The following IGFL3 variants were observed in gnomAD, a reference collection of about 807,000 sequenced individuals.
The protein encoded by IGFL3 is insulin growth factor-like family member 3.
IGFL3 carries 12 observed loss-of-function variants against 17.0 expected under a neutral mutation model. The ratio of observed to expected loss-of-function variants is 0.71; its 90% CI spans 0.45 to 1.14. The LOEUF (loss-of-function observed/expected upper bound fraction) is 1.14, where lower values mean the gene tolerates loss of function less well. Among genes scored for constraint, IGFL3 ranks in the 50% most tolerant of loss-of-function variants. The pLI is 0.00. For missense variants in IGFL3, 153 were observed against 151.6 expected (o/e 1.01, Z -0.05); for synonymous variants, 52 against 57.4 (o/e 0.91, Z 0.42).
In IGFL3 at chr19:46,120,144, A is replaced by G. The variant is rs947809281; in HGVS notation, c.*186T>C. 7 of 727,082 alleles carry G rather than the reference A, an allele frequency of 9.6e-6. 1 individual carries two copies. The African/African-American group carries it at 1.1e-4, about 12-fold the overall frequency. The allele number at this position is 727,082 out of a possible 1,614,324, so 45.0% of individuals were successfully genotyped here. On this transcript the variant is annotated 3_prime_UTR_variant, in exon 4 of 4. Transcript: ENST00000341415. ...GGGAAGGGGAGCTGGAAAGGGGATG[A>G]AGCAGGAAGGCATTCTTCCCCTGAA...
rs372404125 is a variant in IGFL3 at position 46,120,601 on chromosome 19, A to G, written c.351-244T>C. ...CAAAGAATTCCTCAAAATGCCAGAT[A>G]AAGAATTAAAAATATTGATCTTAAA... On this transcript the variant is annotated intron_variant, in intron 3 of 3. Transcript: ENST00000341415. Among the ~76,000 whole-genome samples, 605 of 151,010 alleles carry G rather than the reference A, an allele frequency of 4.0e-3. 40 individuals are homozygous for G. Among genetic ancestry groups the G allele is most frequent in the African/African-American group, 0.014 (582 of 40,750 alleles).
intron 3 of IGFL3, among the ~76,000 whole-genome samples, chr19:46,122,842 G>A (rs1055441247): frequency 3.3e-5 from 5 of 150,814 alleles, no homozygotes; most frequent in Non-Finnish European, 5.9e-5. Flanking sequence ...AAGGTGGGAG[G>A]AAGGGGAGGA....
At chr19:46,123,507 G>T (rs552055719) in intron 3 of IGFL3, among the ~76,000 whole-genome samples, 1 of 150,946 alleles carries the variant, frequency 6.6e-6, no homozygotes, top group South Asian at 2.1e-4. Flanking sequence ...ATTGTTCCCT[G>T]CATATACATA....
Position 46,124,037 on chromosome 19 carries a change from G to A in IGFL3, c.199C>T (p.Arg67Cys), listed in dbSNP as rs147128538. The change falls in exon 3 of 4, where the codon CGC becomes TGC. Residue 67 changes from arginine to cysteine, a missense_variant. Coordinates refer to ENST00000341415, the MANE Select transcript of IGFL3 (RefSeq NM_207393.2). ...AAGGTGCAGGTGGAGCCACAGCGGC[G>A]GGTCTCCTTTAAGGATAAGATGGCA... ...DDAILSLKET[R>C]RCGSTCTFWP... 1.1e-3 allele frequency: 1,822 copies of A among 1,611,488 alleles called. 29 individuals carry two copies. The highest frequency in any genetic ancestry group is 2.0e-3 in the Middle Eastern group (12 of 6,052).
chr19:46,122,044 T>C (rs115903275), intron 3 of IGFL3, among the ~76,000 whole-genome samples: 1 of 151,196 alleles, frequency 6.6e-6, no homozygotes, highest in Non-Finnish European at 1.5e-5. Flanking sequence ...TGCTGTGATA[T>C]AGCTAATGTT....
chr19:46,121,215 C>A (rs1258338274), intron 3 of IGFL3, among the ~76,000 whole-genome samples: 1 of 145,666 alleles, frequency 6.9e-6, no homozygotes, highest in Non-Finnish European at 1.5e-5. Flanking sequence ...CTGTCTCTAC[C>A]AAAAAAAAAC....
At chr19:46,121,904 A>G (rs1971797020) in intron 3 of IGFL3, among the ~76,000 whole-genome samples, 1 of 150,868 alleles carries the variant, frequency 6.6e-6, no homozygotes, top group Non-Finnish European at 1.5e-5. Flanking sequence ...TGATTTGCAT[A>G]TTTCTTTTTT....
At chr19:46,124,485 C>T in intron 1 of IGFL3, 140 bp downstream of exon 1, 1 of 1,130,650 alleles carries the variant, frequency 8.8e-7, no homozygotes, top group South Asian at 1.3e-5. Flanking sequence ...GAGCAGCACG[C>T]TCAGTCACCC....
chr19:46,124,023 G>A lies in IGFL3; in HGVS notation c.213C>T (p.Ser71=). 1 of 1,611,542 alleles carries A rather than the reference G, an allele frequency of 6.2e-7. No homozygotes were observed. The highest frequency in any genetic ancestry group is 8.5e-7 in the Non-Finnish European group (1 of 1,179,674). The change falls in exon 3 of 4, where the codon TCC becomes TCT. Residue 71 remains serine, a synonymous_variant. Transcript: ENST00000341415. Reference sequence around the variant, plus strand: ...CAAAGCAGGGCCAGAAGGTGCAGGTGGAGCCACAGCGGCGGGTCTCCTTTA... The same window carrying A: ...CAAAGCAGGGCCAGAAGGTGCAGGTAGAGCCACAGCGGCGGGTCTCCTTTA... The part of the protein sequence containing the change: ...LSLKETRRCG[S]TCTFWPCFEL...
intron 3 of IGFL3, among the ~76,000 whole-genome samples, chr19:46,123,421 A>C (rs1971891016): frequency 6.6e-6 from 1 of 151,066 alleles, no homozygotes; most frequent in Non-Finnish European, 1.5e-5. Flanking sequence ...TACCAGTTTT[A>C]AGTAAAGTAA....
Position 46,124,163 on chromosome 19 carries a change from G to C in IGFL3, c.80-7C>G. On this transcript the variant is annotated splice_region_variant and splice_polypyrimidine_tract_variant and intron_variant, in intron 2 of 3. Coordinates refer to ENST00000341415, the MANE Select transcript of IGFL3 (RefSeq NM_207393.2). Reference sequence around the variant, plus strand: ...CCTGAGCCAACAGGAGCGTCTGGGGGCAGACATTGATGGTGTACATCCAAG... The same window carrying C: ...CCTGAGCCAACAGGAGCGTCTGGGGCCAGACATTGATGGTGTACATCCAAG... The C allele has an allele frequency of 6.2e-7, 1 of 1,610,022 alleles. No homozygotes were observed. The highest frequency in any genetic ancestry group is 1.4e-5 in the African/African-American group (1 of 73,880).
Position 46,120,249 on chromosome 19 carries a change from A to G in IGFL3, c.*81T>C. The G allele has an allele frequency of 6.3e-7, 1 of 1,594,792 alleles. No individual in the cohort carries two copies. The highest frequency in any genetic ancestry group is 1.1e-5 in the South Asian group (1 of 89,090). On this transcript the variant is annotated 3_prime_UTR_variant, in exon 4 of 4. Coordinates refer to ENST00000341415, the MANE Select transcript of IGFL3 (RefSeq NM_207393.2). ...TCTGAAGTCAAGTTGCTTCTCTCCG[A>G]AGTTCAACTGTAGTCTCCGATGTCC...
At position 46,124,010 on chromosome 19, in the gene IGFL3, A is replaced by C; in HGVS notation, c.226T>G (p.Trp76Gly). The change falls in exon 3 of 4, where the codon TGG (tryptophan) becomes GGG (glycine). Residue 76 changes from tryptophan to glycine, a missense_variant. Coordinates refer to ENST00000341415, the MANE Select transcript of IGFL3 (RefSeq NM_207393.2). ...TRRCGSTCTF[W>G]PCFELCCPES... ...GGACAGCAGAGCTCAAAGCAGGGCC[A>C]GAAGGTGCAGGTGGAGCCACAGCGG... is the stretch of plus-strand genomic sequence containing the variant. The C allele has an allele frequency of 6.2e-7, 1 of 1,611,616 alleles. No homozygotes were observed. Among genetic ancestry groups the C allele is most frequent in the Non-Finnish European group, 8.5e-7 (1 of 1,179,694 alleles).
intron 3 of IGFL3, among the ~76,000 whole-genome samples, chr19:46,123,316 A>C (rs1028361210): frequency 2.6e-5 from 4 of 150,966 alleles, no homozygotes; most frequent in African/African-American, 9.8e-5. Context: ...TCTTAAAAAT[A>C]GAAACAAAAG....
intron 3 of IGFL3, among the ~76,000 whole-genome samples, 161 bp downstream of exon 3, chr19:46,123,725 A>G (rs1022486451): frequency 6.6e-6 from 1 of 150,902 alleles, no homozygotes; most frequent in South Asian, 2.1e-4. Context: ...GAAGAAAGGC[A>G]GACTTATAGC....
At position 46,124,257 on chromosome 19, in the gene IGFL3, C is replaced by T; in HGVS notation, c.79+11G>A. 1 of 1,610,214 alleles carries T rather than the reference C, an allele frequency of 6.2e-7. No homozygotes were observed. Among genetic ancestry groups the T allele is most frequent in the Non-Finnish European group, 8.5e-7 (1 of 1,178,656 alleles). On this transcript the variant is annotated intron_variant, in intron 2 of 3. Transcript: ENST00000341415. ...CTCTTCCCTCCTCATTTTTCCCTGT[C>T]CTGTCCTTACCTGTAGTTCCTTTTG...
At chr19:46,123,360 T>C (rs1391230301) in intron 3 of IGFL3, among the ~76,000 whole-genome samples, 3 of 150,832 alleles carry the variant, frequency 2.0e-5, no homozygotes, top group African/African-American at 7.4e-5. Flanking sequence ...AATAAAAATA[T>C]GCTCAAATTT....
At position 46,120,511 on chromosome 19, in the gene IGFL3, A is replaced by C. The variant is rs1235718128; in HGVS notation, c.351-154T>G. On this transcript the variant is annotated intron_variant, in intron 3 of 3. Coordinates refer to ENST00000341415, the MANE Select transcript of IGFL3 (RefSeq NM_207393.2). ...CAACAGAAGGACACAGTCACCATGA[A>C]AAAGCAGGAAGATAGGACACCACAT... 2.0e-5 allele frequency among the ~76,000 whole-genome samples: 3 copies of C among 151,212 alleles called. 1 individual carries two copies. The highest frequency in any genetic ancestry group is 4.2e-4 in the South Asian group (2 of 4,800).
In IGFL3 at chr19:46,120,213, T is replaced by G; in HGVS notation, c.*117A>C. On this transcript the variant is annotated 3_prime_UTR_variant, in exon 4 of 4. Coordinates refer to ENST00000341415, the MANE Select transcript of IGFL3 (RefSeq NM_207393.2). ...GGGCTCCTCTCCAAAGCTATGTCAT[T>G]GAGCCATCCCTCTGAAGTCAAGTTG... The G allele has an allele frequency of 1.4e-6, 2 of 1,474,420 alleles. No individual in the cohort carries two copies. Among genetic ancestry groups the G allele is most frequent in the Non-Finnish European group, 9.2e-7 (1 of 1,085,504 alleles). The allele number at this position is 1,474,420 out of a possible 1,614,324, so 91.3% of individuals were successfully genotyped here.
Sources: allele counts gnomAD v4.1 joint callset (sites outside exome capture counted in the v4.1 genomes callset), GRCh38; gene constraint gnomAD v4.1.1; transcripts MANE v1.5; gene names NCBI Gene and HGNC (gene_info 2026-07-23, HGNC 2026-07-21).